Variants in COBL observed in about 807,000 individuals in gnomAD.
The protein encoded by COBL is cordon-bleu WH2 repeat protein.
COBL carries 51 observed loss-of-function variants against 98.8 expected under a neutral mutation model. The ratio of observed to expected loss-of-function variants is 0.52; its 90% CI spans 0.41 to 0.65. The LOEUF is 0.65. Among genes scored for constraint, COBL ranks in the 30% least tolerant of loss-of-function variants. The pLI is 0.00. For synonymous variants in COBL, 634 were observed against 651.7 expected, an observed-to-expected ratio of 0.97 and a Z score of 0.41; for missense variants, 1,617 against 1,617.5, an observed-to-expected ratio of 1.00 and a Z score of 0.01.
At chr7:51,273,497 A>G (rs982405719) in intron 1 of COBL, among the ~76,000 whole-genome samples, 2 of 152,222 alleles carry the variant, frequency 1.3e-5, no homozygotes, top group African/African-American at 4.8e-5. Flanking sequence ...AAACAAACCC[A>G]TATCTGCAGT....
At chr7:51,220,009 C>T (rs753400470) in intron 1 of COBL, 65 bp from the exon 2 acceptor site, 10 of 1,477,798 alleles carry the variant, frequency 6.8e-6, no homozygotes, top group Middle Eastern at 2.5e-4. Flanking sequence ...CGGAATAATT[C>T]GTTCTTACAC....
chr7:51,316,744 C>T lies in COBL; in HGVS notation c.-111G>A. ...ACTTTTTCCGCGCTGACCCATCGTC[C>T]TCCCACGCGGGCCGGCGGAGGACAG... On this transcript the variant is annotated 5_prime_UTR_variant, in exon 1 of 13. Transcript: ENST00000265136. The T allele has an allele frequency of 1.1e-6, 1 of 873,768 alleles. No homozygotes were observed. Among genetic ancestry groups the T allele is most frequent in the Non-Finnish European group, 1.5e-6 (1 of 672,386 alleles). The allele number at this position is 873,768 out of a possible 1,614,324, so 54.1% of individuals were successfully genotyped here.
chr7:51,043,521 T>C lies in COBL; in HGVS notation c.1268A>G (p.Gln423Arg). 1 of 1,614,244 alleles carries C rather than the reference T, an allele frequency of 6.2e-7. No individual in the cohort carries two copies. Among genetic ancestry groups the C allele is most frequent in the East Asian group, 2.2e-5 (1 of 44,886 alleles). Reference sequence around the variant, plus strand: ...CTTGTCTTTGTATTTCATGCTGTCCTGCTGCGAGTCCAGAGAGACGATGTC... The same window carrying C: ...CTTGTCTTTGTATTTCATGCTGTCCCGCTGCGAGTCCAGAGAGACGATGTC... The part of the protein sequence containing the change: ...PSDIVSLDSQ[Q>R]DSMKYKDKWA... The change falls in exon 8 of 13, where the codon CAG (glutamine) becomes CGG (arginine). Residue 423 changes from glutamine to arginine, a missense_variant. Coordinates refer to ENST00000265136, the MANE Select transcript of COBL (RefSeq NM_015198.5).
chr7:51,167,954 A>C (rs1052265727), intron 5 of COBL, among the ~76,000 whole-genome samples: 1 of 152,192 alleles, frequency 6.6e-6, no homozygotes, highest in Non-Finnish European at 1.5e-5. Flanking sequence ...TGAAGCTATG[A>C]AACTACTACA....
chr7:51,261,938 A>C (rs1158417815), intron 1 of COBL, among the ~76,000 whole-genome samples: 1 of 152,144 alleles, frequency 6.6e-6, no homozygotes, highest in African/African-American at 2.4e-5. Context: ...ACAAGAGTGA[A>C]ACTCCATCTC....
intron 6 of COBL, among the ~76,000 whole-genome samples, chr7:51,125,195 A>C (rs2128994201): frequency 6.6e-6 from 1 of 152,336 alleles, no homozygotes; most frequent in African/African-American, 2.4e-5. Context: ...AGAAGTAACT[A>C]AATTAAAATG....
chr7:51,285,371 A>C (rs1044052232), intron 1 of COBL, among the ~76,000 whole-genome samples: 4 of 152,020 alleles, frequency 2.6e-5, no homozygotes, highest in African/African-American at 9.7e-5. Context: ...ATCCCAAGGA[A>C]TCTGCAAAGA....
intron 4 of COBL, among the ~76,000 whole-genome samples, chr7:51,189,809 A>T (rs114563798): frequency 0.023 from 3,524 of 152,344 alleles, 145 homozygotes; most frequent in African/African-American, 0.08. Flanking sequence ...TTAGAAGAGA[A>T]ACTTTTACGA....
intron 6 of COBL, among the ~76,000 whole-genome samples, chr7:51,116,125 A>G (rs1054242124): frequency 3.9e-5 from 6 of 152,088 alleles, no homozygotes; most frequent in Non-Finnish European, 5.9e-5. Flanking sequence ...TATAGACAAC[A>G]TTCTTATCCA....
chr7:51,082,927 A>G, intron 7 of COBL: 2 of 825,094 alleles, frequency 2.4e-6, no homozygotes, highest in Non-Finnish European at 3.9e-6. Flanking sequence ...AGCATTGGGA[A>G]ACAAGAGCTG....
At chr7:51,068,289 C>A (rs764483526) in intron 7 of COBL, among the ~76,000 whole-genome samples, 19 of 152,214 alleles carry the variant, frequency 1.2e-4, no homozygotes, top group Non-Finnish European at 2.5e-4. Flanking sequence ...TTTCACTTCA[C>A]AAAGGATGCA....
At chr7:51,316,253 C>T (rs919184398) in intron 1 of COBL, 4 of 213,774 alleles carry the variant, frequency 1.9e-5, no homozygotes, top group Non-Finnish European at 2.8e-5. Context: ...ACGGCAAACA[C>T]TTGGGGGGCC....
chr7:51,164,029 C>G (rs1787065955), intron 5 of COBL, among the ~76,000 whole-genome samples: 1 of 152,096 alleles, frequency 6.6e-6, no homozygotes, highest in Non-Finnish European at 1.5e-5. Context: ...TTTGCCAATC[C>G]CATAGGTGAT....
rs917289711 is a variant in COBL, at chr7:51,073,278, G to A, written c.1096+11888C>T. 34 of 631,276 alleles carry A rather than the reference G, an allele frequency of 5.4e-5. No homozygotes were observed. In the Admixed American group the frequency reaches 8.1e-4, roughly 15 times the overall value. 39.1% of individuals were successfully genotyped at this position (631,276 alleles called of 1,614,324 possible). ...ATCCTGAAAGGAGGAAGAACAACAGGAAAATCAGAGCCAGGGCAGAAGAGA... is the reference window on the plus strand; with the variant it reads ...ATCCTGAAAGGAGGAAGAACAACAGAAAAATCAGAGCCAGGGCAGAAGAGA... On this transcript the variant is annotated intron_variant, in intron 7 of 12. Coordinates refer to ENST00000265136, the MANE Select transcript of COBL (RefSeq NM_015198.5).
Position 51,295,444 on chromosome 7 carries a change from CA to C in COBL, c.41+21148del, listed in dbSNP as rs199794683. ...AATACATACATTAAAAAACATTTTTCAAAAAAAATACTGCCCAATTAACTGG... is the reference window on the plus strand; with the variant it reads ...AATACATACATTAAAAAACATTTTTCAAAAAAATACTGCCCAATTAACTGG... On this transcript the variant is annotated intron_variant, in intron 1 of 12. Transcript: ENST00000265136. Among the ~76,000 whole-genome samples the C allele has an allele frequency of 7.4e-4, 112 of 151,762 alleles. 1 individual carries two copies. In the East Asian group the frequency reaches 0.015, roughly 20 times the overall value.
intron 5 of COBL, among the ~76,000 whole-genome samples, chr7:51,145,191 T>C (rs1784906926): frequency 6.6e-6 from 1 of 151,938 alleles, no homozygotes; most frequent in African/African-American, 2.4e-5. Context: ...ATTTTTTGTA[T>C]TTTCAGTAGA....
chr7:51,128,522 A>G (rs1798435854), intron 6 of COBL, among the ~76,000 whole-genome samples: 1 of 150,574 alleles, frequency 6.6e-6, no homozygotes, highest in Non-Finnish European at 1.5e-5. Flanking sequence ...GGGGAGAGAA[A>G]TGAGAGGGAG....
At chr7:51,299,312 T>C (rs1242982496) in intron 1 of COBL, among the ~76,000 whole-genome samples, 5 of 152,234 alleles carry the variant, frequency 3.3e-5, no homozygotes, top group African/African-American at 1.2e-4. Context: ...TTAGAAAGTA[T>C]TATATTCCAA....
At chr7:51,068,049 T>C (rs1252152681) in intron 7 of COBL, among the ~76,000 whole-genome samples, 1 of 152,184 alleles carries the variant, frequency 6.6e-6, no homozygotes, top group Non-Finnish European at 1.5e-5. Context: ...GCAGCTGGGC[T>C]CCTGACTAGA....
Sources: gnomAD v4.1 joint callset for allele counts (sites outside exome capture counted in the v4.1 genomes callset) on GRCh38, gnomAD v4.1.1 for gene constraint, MANE v1.5 for transcripts, NCBI Gene and HGNC (gene_info 2026-07-23, HGNC 2026-07-21) for gene names.